Variants in NTM observed in about 807,000 individuals in gnomAD.
NTM encodes IgLON family member 2.
In NTM, 13 loss-of-function variants were observed where a neutral mutation model predicts 42.1. The ratio of observed to expected loss-of-function variants is 0.31; its 90% CI spans 0.20 to 0.49. The LOEUF (loss-of-function observed/expected upper bound fraction) is 0.49, where lower values mean the gene tolerates loss of function less well. Among genes scored for constraint, NTM ranks in the 20% least tolerant of loss-of-function variants. NTM has a pLI of 0.99. For synonymous variants in NTM, 187 were observed against 179.2 expected (o/e 1.04, Z -0.35); for missense variants, 373 against 452.8 (o/e 0.82, Z 1.60).
rs568679906 is a variant in NTM at position 131,545,879 on chromosome 11, C to T, written c.82+174991C>T. On this transcript the variant is annotated intron_variant, in intron 1 of 8. Transcript: ENST00000683400. ...TTCATGCAAAGAACATTTGAATATCCGAGCATTATCTAACCTGGCTGGGAG... is the reference window on the plus strand; with the variant it reads ...TTCATGCAAAGAACATTTGAATATCTGAGCATTATCTAACCTGGCTGGGAG... Among the ~76,000 whole-genome samples, 220 of 152,246 alleles carry T rather than the reference C, an allele frequency of 1.4e-3. 1 individual carries two copies. Among genetic ancestry groups the T allele is most frequent in the African/African-American group, 5.0e-3 (209 of 41,552 alleles).
chr11:132,168,499 T>C (rs985157782), intron 3 of NTM, among the ~76,000 whole-genome samples: 46 of 152,234 alleles, frequency 3.0e-4, no homozygotes, highest in African/African-American at 1.0e-3. Context: ...ATTGTCTGCA[T>C]GCCAGATTCT....
At chr11:131,392,878 T>G (rs1944182374) in intron 1 of NTM, among the ~76,000 whole-genome samples, 1 of 152,216 alleles carries the variant, frequency 6.6e-6, no homozygotes, top group Non-Finnish European at 1.5e-5. Flanking sequence ...GCATCTCTGA[T>G]ATCCCAGGTA....
intron 1 of NTM, among the ~76,000 whole-genome samples, chr11:131,721,278 A>C (rs2078298087): frequency 6.6e-6 from 1 of 152,028 alleles, no homozygotes; most frequent in Non-Finnish European, 1.5e-5. Flanking sequence ...TTCCGCTCAG[A>C]TTTTATCTTA....
At chr11:131,703,657 G>A (rs1194218149) in intron 1 of NTM, among the ~76,000 whole-genome samples, 3 of 152,176 alleles carry the variant, frequency 2.0e-5, no homozygotes, top group Non-Finnish European at 4.4e-5. Flanking sequence ...CCAGATGAGA[G>A]GCCACAGCAC....
chr11:132,161,140 T>G (rs1368310462), intron 3 of NTM, among the ~76,000 whole-genome samples: 1 of 152,066 alleles, frequency 6.6e-6, no homozygotes, highest in Non-Finnish European at 1.5e-5. Context: ...CCAGGGCTCC[T>G]CAGCGGAGGT....
intron 1 of NTM, chr11:131,795,992 TGAA>T: frequency 1.0e-6 from 1 of 985,166 alleles, no homozygotes; most frequent in Non-Finnish European, 1.2e-6. Flanking sequence ...TGTTTCAGAT[TGAA>T]GAAGTTGTGT....
Position 131,773,992 on chromosome 11 carries a change from C to A in NTM, c.83-137572C>A, listed in dbSNP as rs1043791451. The A allele has an allele frequency of 7.1e-6, 7 of 983,794 alleles. No individual in the cohort carries two copies. The South Asian group carries it at 3.3e-4, about 46-fold the overall frequency. 60.9% of individuals were successfully genotyped at this position (983,794 alleles called of 1,614,324 possible). ...AGTGTTAAGGACCTCCAATTCCTGACATCTTCCGTCGTCTCATTTTTAAAC... is the reference window on the plus strand; with the variant it reads ...AGTGTTAAGGACCTCCAATTCCTGAAATCTTCCGTCGTCTCATTTTTAAAC... On this transcript the variant is annotated intron_variant, in intron 1 of 8. Transcript: ENST00000683400.
intron 1 of NTM, among the ~76,000 whole-genome samples, chr11:131,864,241 CAA>C (rs963043806): frequency 2.6e-5 from 4 of 152,152 alleles, no homozygotes; most frequent in African/African-American, 9.7e-5. Context: ...AAAGACGAAA[CAA>C]ATCCATCAGG....
At chr11:131,627,118 A>G (rs1026227609) in intron 1 of NTM, among the ~76,000 whole-genome samples, 7 of 152,328 alleles carry the variant, frequency 4.6e-5, no homozygotes, top group Admixed American at 4.6e-4. Flanking sequence ...TTCGATTATA[A>G]TAATCTCTAA....
intron 2 of NTM, among the ~76,000 whole-genome samples, chr11:131,943,651 A>C (rs1417375843): frequency 6.6e-6 from 1 of 151,912 alleles, no homozygotes; most frequent in Non-Finnish European, 1.5e-5. Context: ...TCCACCTATC[A>C]CTTTTCCCAG....
At chr11:132,216,349 A>T (rs2083861016) in intron 4 of NTM, among the ~76,000 whole-genome samples, 1 of 152,192 alleles carries the variant, frequency 6.6e-6, no homozygotes, top group South Asian at 2.1e-4. Flanking sequence ...CTGAGAGCCC[A>T]AAATGAAACT....
chr11:131,995,103 C>A (rs1323513957), intron 2 of NTM, among the ~76,000 whole-genome samples: 3 of 152,158 alleles, frequency 2.0e-5, no homozygotes, highest in African/African-American at 7.2e-5. Context: ...GCACAGCATG[C>A]CCAATCTCAC....
intron 1 of NTM, among the ~76,000 whole-genome samples, chr11:131,763,523 G>A (rs1210511661): frequency 3.3e-5 from 5 of 151,812 alleles, no homozygotes; most frequent in Non-Finnish European, 1.5e-5. Flanking sequence ...TCAGTTTAGG[G>A]GATTATATTA....
At chr11:131,533,623 C>T (rs1024704184) in intron 1 of NTM, among the ~76,000 whole-genome samples, 3 of 152,198 alleles carry the variant, frequency 2.0e-5, no homozygotes, top group Admixed American at 2.0e-4. Flanking sequence ...GGGCTTAGAG[C>T]ATCCCTTCTG....
At chr11:131,565,978 G>A (rs755945948) in intron 1 of NTM, among the ~76,000 whole-genome samples, 29 of 152,180 alleles carry the variant, frequency 1.9e-4, no homozygotes, top group Non-Finnish European at 3.2e-4. Flanking sequence ...CTGGGTTTTA[G>A]AAAAGGATGG....
chr11:131,962,451 T>C (rs968986244), intron 2 of NTM, among the ~76,000 whole-genome samples: 9 of 152,152 alleles, frequency 5.9e-5, no homozygotes, highest in African/African-American at 1.9e-4. Context: ...ATGGAATTAG[T>C]GCCTTTATAC....
At chr11:131,597,237 G>T (rs1212565291) in intron 1 of NTM, among the ~76,000 whole-genome samples, 3 of 152,084 alleles carry the variant, frequency 2.0e-5, no homozygotes, top group African/African-American at 7.2e-5. Context: ...AAACTTAGGG[G>T]CCCCTTTAAT....
intron 2 of NTM, among the ~76,000 whole-genome samples, chr11:132,025,764 A>G (rs1483403591): frequency 6.6e-6 from 1 of 152,184 alleles, no homozygotes; most frequent in Non-Finnish European, 1.5e-5. Context: ...ATTGAGGAAT[A>G]GCTTTTATCC....
intron 3 of NTM, among the ~76,000 whole-genome samples, chr11:132,157,475 T>C (rs547769062): frequency 1.3e-5 from 2 of 152,212 alleles, no homozygotes; most frequent in African/African-American, 4.8e-5. Context: ...ATGTTGAAAA[T>C]TTCTGTCCCA....
Sources: allele counts gnomAD v4.1 joint callset (sites outside exome capture counted in the v4.1 genomes callset), GRCh38; gene constraint gnomAD v4.1.1; transcripts MANE v1.5; gene names NCBI Gene and HGNC (gene_info 2026-07-23, HGNC 2026-07-21).